TXNDC17: variants seen among roughly 807,000 people sequenced by gnomAD.
The protein encoded by TXNDC17 is thioredoxin domain containing 17, also known as thioredoxin domain-containing protein 17.
In TXNDC17, 12 loss-of-function variants were observed where a neutral mutation model predicts 16.3. The observed-to-expected ratio is 0.74, with a 90% CI of 0.47 to 1.19. The LOEUF (loss-of-function observed/expected upper bound fraction) is 1.19, where lower values mean the gene tolerates loss of function less well. TXNDC17 is among the 50% of genes most tolerant of loss of function. The pLI is 0.00. For synonymous variants in TXNDC17, 62 were observed against 55.0 expected, an observed-to-expected ratio of 1.13 and a Z score of -0.56; for missense variants, 158 against 149.7, an observed-to-expected ratio of 1.06 and a Z score of -0.29.
At position 6,643,897 on chromosome 17, in the gene TXNDC17, A is replaced by T; in HGVS notation, c.*878A>T. ...TAGTTGTCCTGCCATGACTAGGTCA[A>T]GTGAGGCCACAGTGATTCAGTGATT... On this transcript the variant is annotated 3_prime_UTR_variant, in exon 4 of 4. Coordinates refer to ENST00000250101, the MANE Select transcript of TXNDC17 (RefSeq NM_032731.4). The T allele has an allele frequency of 2.6e-6, 1 of 386,118 alleles. No homozygotes were observed. Among genetic ancestry groups the T allele is most frequent in the Non-Finnish European group, 4.6e-6 (1 of 218,462 alleles). 23.9% of individuals were successfully genotyped at this position (386,118 alleles called of 1,614,324 possible). A position where few individuals can be genotyped will look rare whatever the true frequency, so the allele number is the denominator to read the frequency against.
At position 6,643,841 on chromosome 17, in the gene TXNDC17, A is replaced by G. The variant is rs1229199149; in HGVS notation, c.*822A>G. On this transcript the variant is annotated 3_prime_UTR_variant, in exon 4 of 4. Transcript: ENST00000250101. ...ATTTGAGGCTCCTCATGTTTGTTCT[A>G]AAGTCAAGAGTCCAGTTAGTAACTA... 1 of 342,594 alleles carries G rather than the reference A, an allele frequency of 2.9e-6. No individual in the cohort carries two copies. Among genetic ancestry groups the G allele is most frequent in the African/African-American group, 2.1e-5 (1 of 47,452 alleles). The allele number at this position is 342,594 out of a possible 1,614,324, so 21.2% of individuals were successfully genotyped here. A position where few individuals can be genotyped will look rare whatever the true frequency, so the allele number is the denominator to read the frequency against.
chr17:6,644,223 G>A lies in TXNDC17; in HGVS notation c.*1204G>A. On this transcript the variant is annotated 3_prime_UTR_variant, in exon 4 of 4. Coordinates refer to ENST00000250101, the MANE Select transcript of TXNDC17 (RefSeq NM_032731.4). Reference sequence around the variant, plus strand: ...CACCTAACTTTTCCATTCTTAATCAGCTGATTATGCTAAATGCGTAAAAAA... The same window carrying A: ...CACCTAACTTTTCCATTCTTAATCAACTGATTATGCTAAATGCGTAAAAAA... 2.0e-6 allele frequency: 1 copy of A among 502,564 alleles called. No individual in the cohort carries two copies. Among genetic ancestry groups the A allele is most frequent in the Non-Finnish European group, 3.4e-6 (1 of 298,474 alleles). 31.1% of individuals were successfully genotyped at this position (502,564 alleles called of 1,614,324 possible).
chr17:6,641,554 C>G (rs1972667363), intron 1 of TXNDC17, 199 bp from the exon 2 acceptor site: 2 of 652,016 alleles, frequency 3.1e-6, no homozygotes, highest in South Asian at 1.9e-5. Context: ...AGGGGCAAAT[C>G]GGGACTGGGA....
At position 6,643,506 on chromosome 17, in the gene TXNDC17, C is replaced by G. The variant is rs2150946850; in HGVS notation, c.*487C>G. The G allele has an allele frequency of 6.5e-6, 1 of 153,380 alleles. No homozygotes were observed. The highest frequency in any genetic ancestry group is 3.4e-3 in the Middle Eastern group (1 of 296). The allele number at this position is 153,380 out of a possible 1,614,324, so 9.5% of individuals were successfully genotyped here. A position where few individuals can be genotyped will look rare whatever the true frequency, so the allele number is the denominator to read the frequency against. On this transcript the variant is annotated 3_prime_UTR_variant, in exon 4 of 4. Coordinates refer to ENST00000250101, the MANE Select transcript of TXNDC17 (RefSeq NM_032731.4). ...GTTTAATAAAAAACAGACTCCTGAGCACTAGAAGCAGTTTGTTTTGCAGCT... is the reference window on the plus strand; with the variant it reads ...GTTTAATAAAAAACAGACTCCTGAGGACTAGAAGCAGTTTGTTTTGCAGCT...
chr17:6,643,305 T>C lies in TXNDC17; in HGVS notation c.*286T>C. The stretch of plus-strand genomic sequence containing the variant: ...ACTCCTAAAGGTGCAGAGCACACCT[T>C]CCAAATCTCTCAAAAGATCAGTATC... On this transcript the variant is annotated 3_prime_UTR_variant, in exon 4 of 4. Coordinates refer to ENST00000250101, the MANE Select transcript of TXNDC17 (RefSeq NM_032731.4). The C allele has an allele frequency of 3.7e-6, 1 of 269,564 alleles. No individual in the cohort carries two copies. Among genetic ancestry groups the C allele is most frequent in the East Asian group, 7.5e-5 (1 of 13,354 alleles). 16.7% of individuals were successfully genotyped at this position (269,564 alleles called of 1,614,324 possible). A position where few individuals can be genotyped will look rare whatever the true frequency, so the allele number is the denominator to read the frequency against.
At chr17:6,642,930 T>G in intron 3 of TXNDC17, 21 bp from the exon 4 acceptor site, 1 of 1,592,854 alleles carries the variant, frequency 6.3e-7, no homozygotes, top group Non-Finnish European at 8.6e-7. Context: ...TAGTGAAGAT[T>G]TGACTGTTTT....
chr17:6,644,507 A>T lies in TXNDC17; in HGVS notation c.*1488A>T. 1 of 1,609,230 alleles carries T rather than the reference A, an allele frequency of 6.2e-7. No individual in the cohort carries two copies. The highest frequency in any genetic ancestry group is 8.5e-7 in the Non-Finnish European group (1 of 1,178,746). On this transcript the variant is annotated 3_prime_UTR_variant, in exon 4 of 4. Coordinates refer to ENST00000250101, the MANE Select transcript of TXNDC17 (RefSeq NM_032731.4). ...GTTATTTTGCTGTTGCTGCTCTGCC[A>T]AGGCTTGCTGAAGGCGCATCCGCTT...
chr17:6,642,164 T>A, intron 2 of TXNDC17, 85 bp from the exon 3 acceptor site: 1 of 968,948 alleles, frequency 1.0e-6, no homozygotes, highest in Non-Finnish European at 1.6e-6. Flanking sequence ...TACTAAAAAA[T>A]TAAATGTAGG....
chr17:6,644,241 G>A lies in TXNDC17; in HGVS notation c.*1222G>A, dbSNP rs764298022. ...TTAATCAGCTGATTATGCTAAATGC[G>A]TAAAAAAGAAAAACACCTTACAAAT... On this transcript the variant is annotated 3_prime_UTR_variant, in exon 4 of 4. Coordinates refer to ENST00000250101, the MANE Select transcript of TXNDC17 (RefSeq NM_032731.4). The A allele has an allele frequency of 1.7e-5, 9 of 542,066 alleles. No individual in the cohort carries two copies. The highest frequency in any genetic ancestry group is 3.8e-5 in the Admixed American group (1 of 26,016). The allele number at this position is 542,066 out of a possible 1,614,324, so 33.6% of individuals were successfully genotyped here. A position where few individuals can be genotyped will look rare whatever the true frequency, so the allele number is the denominator to read the frequency against.
chr17:6,642,118 C>A, intron 2 of TXNDC17, 131 bp from the exon 3 acceptor site: 1 of 698,728 alleles, frequency 1.4e-6, no homozygotes, highest in Non-Finnish European at 2.4e-6. Flanking sequence ...AAGCCATAGT[C>A]CGCAAGGTTT....
Position 6,642,378 on chromosome 17 carries a change from C to G in TXNDC17, c.303+54C>G, listed in dbSNP as rs1972697832. On this transcript the variant is annotated intron_variant, in intron 3 of 3. Coordinates refer to ENST00000250101, the MANE Select transcript of TXNDC17 (RefSeq NM_032731.4). Reference sequence around the variant, plus strand: ...TAATTCACTGTCAGAACTCTTTTAACTTGCTGTGGATCCAGATTTGAAAAG... The same window carrying G: ...TAATTCACTGTCAGAACTCTTTTAAGTTGCTGTGGATCCAGATTTGAAAAG... The G allele has an allele frequency of 8.9e-6, 11 of 1,233,150 alleles. No homozygotes were observed. The South Asian group carries it at 1.4e-4, about 16-fold the overall frequency. The allele number at this position is 1,233,150 out of a possible 1,614,324, so 76.4% of individuals were successfully genotyped here.
rs1972717577 is a variant in TXNDC17, at chr17:6,643,164, A to G, written c.*145A>G. 1.1e-5 allele frequency: 7 copies of G among 643,710 alleles called. No homozygotes were observed. The South Asian group carries it at 1.2e-4, about 11-fold the overall frequency. 39.9% of individuals were successfully genotyped at this position (643,710 alleles called of 1,614,324 possible). On this transcript the variant is annotated 3_prime_UTR_variant, in exon 4 of 4. Coordinates refer to ENST00000250101, the MANE Select transcript of TXNDC17 (RefSeq NM_032731.4). ...ACAATAGAGTGCTATTAAAATGCCC[A>G]TGAACCTTTAGTTTGCCTGTAATAC...
At chr17:6,642,015 C>T (rs1176632120) in intron 2 of TXNDC17, 181 bp downstream of exon 2, 10 of 696,580 alleles carry the variant, frequency 1.4e-5, no homozygotes, top group East Asian at 2.7e-5. Flanking sequence ...GGTAATTCAA[C>T]GAATTTGGTC....
rs916387263 is a variant in TXNDC17, at chr17:6,643,747, G to A, written c.*728G>A. Reference sequence around the variant, plus strand: ...TAGAATAAAATGAGAATTCAAGGAAGCACTTAACATAGCACCTGGTTTGTG... The same window carrying A: ...TAGAATAAAATGAGAATTCAAGGAAACACTTAACATAGCACCTGGTTTGTG... On this transcript the variant is annotated 3_prime_UTR_variant, in exon 4 of 4. Transcript: ENST00000250101. 1 of 187,050 alleles carries A rather than the reference G, an allele frequency of 5.3e-6. No homozygotes were observed. Among genetic ancestry groups the A allele is most frequent in the South Asian group, 1.9e-4 (1 of 5,146 alleles). 11.6% of individuals were successfully genotyped at this position (187,050 alleles called of 1,614,324 possible).
chr17:6,641,313 G>A (rs1236603688), intron 1 of TXNDC17, 86 bp downstream of exon 1: 15 of 1,567,482 alleles, frequency 9.6e-6, no homozygotes, highest in East Asian at 6.7e-5. Flanking sequence ...AGCGGAGGCA[G>A]AGTCTTGGTT....
chr17:6,644,337 A>G lies in TXNDC17; in HGVS notation c.*1318A>G. 2 of 1,051,556 alleles carry G rather than the reference A, an allele frequency of 1.9e-6. No homozygotes were observed. The highest frequency in any genetic ancestry group is 2.6e-6 in the Non-Finnish European group (2 of 781,800). The allele number at this position is 1,051,556 out of a possible 1,614,324, so 65.1% of individuals were successfully genotyped here. A position where few individuals can be genotyped will look rare whatever the true frequency, so the allele number is the denominator to read the frequency against. On this transcript the variant is annotated 3_prime_UTR_variant, in exon 4 of 4. Coordinates refer to ENST00000250101, the MANE Select transcript of TXNDC17 (RefSeq NM_032731.4). ...ATTAACAATAAAAAGTTGGATGAAAAAGCACACTAAAGGTTCTAGGGGCTA... is the reference window on the plus strand; with the variant it reads ...ATTAACAATAAAAAGTTGGATGAAAGAGCACACTAAAGGTTCTAGGGGCTA...
Position 6,643,189 on chromosome 17 carries a change from C to A in TXNDC17, c.*170C>A. ...ATGAACCTTTAGTTTGCCTGTAATACATGGATATTTTTAAGATATAAAGAA... is the reference window on the plus strand; with the variant it reads ...ATGAACCTTTAGTTTGCCTGTAATAAATGGATATTTTTAAGATATAAAGAA... On this transcript the variant is annotated 3_prime_UTR_variant, in exon 4 of 4. Transcript: ENST00000250101. 1.8e-6 allele frequency: 1 copy of A among 554,780 alleles called. No homozygotes were observed. The highest frequency in any genetic ancestry group is 3.0e-5 in the East Asian group (1 of 33,288). The allele number at this position is 554,780 out of a possible 1,614,324, so 34.4% of individuals were successfully genotyped here.
chr17:6,644,386 AGTTTT>A lies in TXNDC17; in HGVS notation c.*1368_*1372del. 1 of 1,441,162 alleles carries A rather than the reference AGTTTT, an allele frequency of 6.9e-7. No homozygotes were observed. Among genetic ancestry groups the A allele is most frequent in the Non-Finnish European group, 9.2e-7 (1 of 1,088,790 alleles). 89.3% of individuals were successfully genotyped at this position (1,441,162 alleles called of 1,614,324 possible). ...TACCATAATAAAGGTAGATAGGAAG[AGTTTT>A]CATTTTTTTTGTCTTCACTGTACAA... On this transcript the variant is annotated 3_prime_UTR_variant, in exon 4 of 4. Transcript: ENST00000250101.
At position 6,643,706 on chromosome 17, in the gene TXNDC17, C is replaced by T. The variant is rs1415148361; in HGVS notation, c.*687C>T. On this transcript the variant is annotated 3_prime_UTR_variant, in exon 4 of 4. Transcript: ENST00000250101. Reference sequence around the variant, plus strand: ...CCCGTCCAAACCTCAGTTTTCTCTTCTATAAACAAGGTTCTTAGAATAAAA... The same window carrying T: ...CCCGTCCAAACCTCAGTTTTCTCTTTTATAAACAAGGTTCTTAGAATAAAA... 1 of 158,194 alleles carries T rather than the reference C, an allele frequency of 6.3e-6. No homozygotes were observed. Among genetic ancestry groups the T allele is most frequent in the African/African-American group, 2.4e-5 (1 of 41,698 alleles). 9.8% of individuals were successfully genotyped at this position (158,194 alleles called of 1,614,324 possible). A position where few individuals can be genotyped will look rare whatever the true frequency, so the allele number is the denominator to read the frequency against.
Sources: gnomAD v4.1 joint callset for allele counts on GRCh38, gnomAD v4.1.1 for gene constraint, MANE v1.5 for transcripts, NCBI Gene and HGNC (gene_info 2026-07-23, HGNC 2026-07-21) for gene names.